Variants in ZFHX3 observed in about 807,000 individuals in gnomAD.
ZFHX3 encodes the protein zinc finger homeobox protein 3.
Under a neutral mutation model 279.1 loss-of-function variants are expected in ZFHX3, and 42 were observed. The observed-to-expected ratio is 0.15, with a 90% CI of 0.12 to 0.19. ZFHX3 has a LOEUF of 0.19. ZFHX3 is among the 10% of genes least tolerant of loss of function. The probability of loss-of-function intolerance (pLI) is 1.00; values close to 1 mark genes in which losing one functional copy is unlikely to be tolerated. For missense variants in ZFHX3, 4,981 were observed against 4,754.0 expected (o/e 1.05, Z -1.40); for synonymous variants, 2,293 against 1,957.8 (o/e 1.17, Z -4.52).
intron 1 of ZFHX3, among the ~76,000 whole-genome samples, chr16:73,876,730 A>C (rs1420320927): frequency 6.6e-6 from 1 of 152,194 alleles, no homozygotes; most frequent in Non-Finnish European, 1.5e-5. Flanking sequence ...TGCTGGAAAG[A>C]ACTAGAAAAG....
At chr16:72,917,398 T>C (rs2039469165) in intron 3 of ZFHX3, among the ~76,000 whole-genome samples, 1 of 152,210 alleles carries the variant, frequency 6.6e-6, no homozygotes, top group Admixed American at 6.5e-5. Flanking sequence ...CATAAATACA[T>C]GTTTAACACC....
intron 8 of ZFHX3, among the ~76,000 whole-genome samples, chr16:73,082,369 G>A (rs572220943): frequency 1.1e-4 from 17 of 152,078 alleles, no homozygotes; most frequent in Admixed American, 2.0e-4. Context: ...CTGGGTTCAC[G>A]CCATTCTTCT....
At chr16:73,462,710 A>G (rs2018493639) in intron 2 of ZFHX3, among the ~76,000 whole-genome samples, 2 of 152,094 alleles carry the variant, frequency 1.3e-5, no homozygotes, top group Non-Finnish European at 2.9e-5. Flanking sequence ...AATATGGTGG[A>G]TTATATTGAT....
chr16:73,871,361 C>T (rs1244891588), intron 1 of ZFHX3, among the ~76,000 whole-genome samples: 3 of 152,144 alleles, frequency 2.0e-5, no homozygotes, highest in South Asian at 2.1e-4. Context: ...ACTTTAATAA[C>T]GCAGCCTTGC....
chr16:73,561,095 T>C (rs1244489161), intron 2 of ZFHX3, among the ~76,000 whole-genome samples: 3 of 152,216 alleles, frequency 2.0e-5, no homozygotes, highest in Non-Finnish European at 2.9e-5. Context: ...AAGAAATTAT[T>C]TGTTGATTAT....
intron 2 of ZFHX3, among the ~76,000 whole-genome samples, chr16:73,638,595 G>A (rs920579506): frequency 2.6e-5 from 4 of 152,138 alleles, no homozygotes; most frequent in African/African-American, 9.7e-5. Context: ...CTTACATACA[G>A]TTTGCCTTCA....
At chr16:72,961,383 G>A (rs1027567798) in intron 1 of ZFHX3, among the ~76,000 whole-genome samples, 14 of 152,220 alleles carry the variant, frequency 9.2e-5, no homozygotes, top group African/African-American at 3.1e-4. Flanking sequence ...GATCACGGCC[G>A]CTCTGCTCCT....
chr16:72,879,584 C>A (rs989633141), intron 4 of ZFHX3, among the ~76,000 whole-genome samples: 1 of 152,186 alleles, frequency 6.6e-6, no homozygotes, highest in Non-Finnish European at 1.5e-5. Context: ...CGCCACCATA[C>A]CTGCCTAATT....
chr16:73,077,076 C>T lies in ZFHX3; in HGVS notation c.-533+16159G>A, dbSNP rs139707533. ...TCCTTTGGGACTCTCAAAAAGGATG[C>T]GCTAATAAATCTAGGCCCCAGGATA... On this transcript the variant is annotated intron_variant, in intron 8 of 17. Transcript: ENST00000641206. Among the ~76,000 whole-genome samples the T allele has an allele frequency of 2.8e-4, 42 of 152,206 alleles. No homozygotes were observed. The South Asian group carries it at 6.9e-3, about 25-fold the overall frequency.
intron 1 of ZFHX3, among the ~76,000 whole-genome samples, chr16:73,691,773 T>C: frequency 6.6e-6 from 1 of 152,212 alleles, no homozygotes; most frequent in East Asian, 1.9e-4. Context: ...TATTTCAGCA[T>C]GCTGTCTTTC....
At chr16:73,252,873 C>T (rs1371815251) in intron 5 of ZFHX3, among the ~76,000 whole-genome samples, 1 of 152,210 alleles carries the variant, frequency 6.6e-6, no homozygotes, top group Non-Finnish European at 1.5e-5. Flanking sequence ...ACAACCAATG[C>T]AACCAAAGTA....
At chr16:73,308,915 C>T (rs2015258488) in intron 4 of ZFHX3, among the ~76,000 whole-genome samples, 1 of 151,610 alleles carries the variant, frequency 6.6e-6, no homozygotes, top group African/African-American at 2.4e-5. Flanking sequence ...ATAGGGACTA[C>T]ACAATCAAGC....
intron 2 of ZFHX3, among the ~76,000 whole-genome samples, chr16:73,613,641 C>T (rs932535736): frequency 2.0e-5 from 3 of 152,126 alleles, no homozygotes; most frequent in Non-Finnish European, 2.9e-5. Flanking sequence ...CTTTGGTCCT[C>T]CCTAAAAATA....
chr16:73,791,154 A>G (rs974958619), intron 1 of ZFHX3, among the ~76,000 whole-genome samples: 3 of 151,818 alleles, frequency 2.0e-5, no homozygotes, highest in Non-Finnish European at 2.9e-5. Context: ...TTGTAGAGAC[A>G]GGATCTTGCT....
intron 5 of ZFHX3, among the ~76,000 whole-genome samples, chr16:73,212,973 C>T (rs921681518): frequency 3.9e-5 from 6 of 152,144 alleles, no homozygotes; most frequent in African/African-American, 7.2e-5. Flanking sequence ...ACGTCAGAAA[C>T]GCAGGAAGTA....
At chr16:73,230,899 G>T (rs2012751888) in intron 5 of ZFHX3, among the ~76,000 whole-genome samples, 1 of 152,320 alleles carries the variant, frequency 6.6e-6, no homozygotes, top group Middle Eastern at 3.4e-3. Flanking sequence ...CAGGAGGGCG[G>T]GGGGAGCTGG....
At chr16:73,533,840 C>A (rs2143733606) in intron 2 of ZFHX3, among the ~76,000 whole-genome samples, 1 of 152,242 alleles carries the variant, frequency 6.6e-6, no homozygotes, top group African/African-American at 2.4e-5. Context: ...GTGCTTCCTC[C>A]TAAATGTACA....
intron 1 of ZFHX3, among the ~76,000 whole-genome samples, chr16:73,797,807 C>CTTTTT (rs35369374): frequency 3.6e-4 from 30 of 82,906 alleles, no homozygotes; most frequent in African/African-American, 5.1e-4. Context: ...CTTCTGAAGA[C>CTTTTT]TTTTTTTTTT....
rs1029459321 is a variant in ZFHX3 at position 72,786,949 on chromosome 16, T to TA, written c.*214dup. The TA allele has an allele frequency of 3.0e-6, 1 of 330,970 alleles. No homozygotes were observed. The highest frequency in any genetic ancestry group is 4.9e-6 in the Non-Finnish European group (1 of 204,882). The allele number at this position is 330,970 out of a possible 1,614,324, so 20.5% of individuals were successfully genotyped here. On this transcript the variant is annotated 3_prime_UTR_variant, in exon 10 of 10. Transcript: ENST00000268489. ...AGGGTTAGGGCTTTTTTTTTTTTTT[T>TA]AATATTAAAAGAAAAGAAAAAGACA...
Sources: gnomAD v4.1 joint callset for allele counts (sites outside exome capture counted in the v4.1 genomes callset) on GRCh38, gnomAD v4.1.1 for gene constraint, MANE v1.5 for transcripts, NCBI Gene and HGNC (gene_info 2026-07-23, HGNC 2026-07-21) for gene names.